The following TRAPPC6B variants were observed in gnomAD, a reference collection of about 807,000 sequenced individuals.
TRAPPC6B encodes the protein TRAPP complex subunit 6B.
Under a neutral mutation model 24.7 loss-of-function variants are expected in TRAPPC6B, and 27 were observed. The observed-to-expected ratio is 1.09, with a 90% confidence interval of 0.81 to 1.51. The LOEUF is 1.51. Ranked by LOEUF, TRAPPC6B falls within the 40% of genes most tolerant of loss-of-function variation. The pLI, the probability that TRAPPC6B is intolerant of heterozygous loss-of-function variation, is 0.00. For synonymous variants in TRAPPC6B, 80 were observed against 66.6 expected, an observed-to-expected ratio of 1.20 and a Z score of -0.98; for missense variants, 212 against 190.8, an observed-to-expected ratio of 1.11 and a Z score of -0.66.
chr14:39,158,419 G>C lies in TRAPPC6B; in HGVS notation c.150-17C>G, dbSNP rs771584173. The C allele has an allele frequency of 7.1e-7, 1 of 1,401,524 alleles. No homozygotes were observed. Among genetic ancestry groups the C allele is most frequent in the African/African-American group, 1.4e-5 (1 of 69,430 alleles). The allele number at this position is 1,401,524 out of a possible 1,614,324, so 86.8% of individuals were successfully genotyped here. On this transcript the variant is annotated splice_polypyrimidine_tract_variant and intron_variant, in intron 2 of 5. Coordinates refer to ENST00000330149, the MANE Select transcript of TRAPPC6B (RefSeq NM_001079537.2). Reference sequence around the variant, plus strand: ...TTTGTAAACCTAAAAAGATCAACTAGAAGTAATACAGTATTTCTCCTCCAA... The same window carrying C: ...TTTGTAAACCTAAAAAGATCAACTACAAGTAATACAGTATTTCTCCTCCAA...
At chr14:39,151,680 T>G in intron 5 of TRAPPC6B, 66 bp downstream of exon 5, 1 of 963,176 alleles carries the variant, frequency 1.0e-6, no homozygotes, top group East Asian at 3.2e-5. Context: ...TCAGTTAAAT[T>G]AAAAAAAAAA....
At chr14:39,161,091 A>T (rs1169062905) in intron 1 of TRAPPC6B, among the ~76,000 whole-genome samples, 3 of 152,230 alleles carry the variant, frequency 2.0e-5, no homozygotes, top group Non-Finnish European at 4.4e-5. Context: ...TATTTAAAAT[A>T]GCTATTATAA....
chr14:39,154,023 C>A (rs1035346961), intron 4 of TRAPPC6B, among the ~76,000 whole-genome samples, 188 bp downstream of exon 4: 1 of 152,130 alleles, frequency 6.6e-6, no homozygotes, highest in Non-Finnish European at 1.5e-5. Context: ...TTTAATTGGT[C>A]ACTCTATGAC....
intron 1 of TRAPPC6B, among the ~76,000 whole-genome samples, chr14:39,168,004 A>G (rs1249823645): frequency 6.6e-6 from 1 of 152,210 alleles, no homozygotes; most frequent in Non-Finnish European, 1.5e-5. Context: ...ACCTGAGGTC[A>G]GAAGTTCAAG....
intron 4 of TRAPPC6B, among the ~76,000 whole-genome samples, chr14:39,153,097 C>T (rs550924159): frequency 6.6e-6 from 1 of 151,990 alleles, no homozygotes; most frequent in African/African-American, 2.4e-5. Context: ...TTGAGACTAG[C>T]CTCGCCAACA....
At chr14:39,167,811 T>A (rs1421120473) in intron 1 of TRAPPC6B, among the ~76,000 whole-genome samples, 1 of 152,164 alleles carries the variant, frequency 6.6e-6, no homozygotes, top group African/African-American at 2.4e-5. Flanking sequence ...AGTCCATCTC[T>A]TAAAATTATC....
Position 39,148,450 on chromosome 14 carries a change from A to C in TRAPPC6B, c.*1900T>G, listed in dbSNP as rs990650480. 5 of 374,546 alleles carry C rather than the reference A, an allele frequency of 1.3e-5. No individual in the cohort carries two copies. The highest frequency in any genetic ancestry group is 6.6e-5 in the African/African-American group (3 of 45,478). The allele number at this position is 374,546 out of a possible 1,614,324, so 23.2% of individuals were successfully genotyped here. On this transcript the variant is annotated 3_prime_UTR_variant, in exon 6 of 6. Coordinates refer to ENST00000330149, the MANE Select transcript of TRAPPC6B (RefSeq NM_001079537.2). The stretch of plus-strand genomic sequence containing the variant: ...GCCATACAGAGTTTTAGGCCAAAAA[A>C]AAAGAAAAAAAAAATGGGGCTTTGT...
At position 39,170,152 on chromosome 14, in the gene TRAPPC6B, G is replaced by A. The variant is rs1594549165; in HGVS notation, c.-57C>T. 1.3e-6 allele frequency: 2 copies of A among 1,561,038 alleles called. No individual in the cohort carries two copies. The highest frequency in any genetic ancestry group is 2.2e-5 in the East Asian group (1 of 44,544). ...GGCTCCCGTTTGAGCTGGTCTGGGG[G>A]TTCCAGCTCGCGCCTCAGCGACTTC... On this transcript the variant is annotated 5_prime_UTR_variant, in exon 1 of 6. Transcript: ENST00000330149.
At chr14:39,153,769 A>G (rs1210709747) in intron 4 of TRAPPC6B, among the ~76,000 whole-genome samples, 1 of 148,174 alleles carries the variant, frequency 6.7e-6, no homozygotes. Context: ...TGATAGCACG[A>G]TCTCAGCTCA....
chr14:39,167,237 A>G (rs567901674), intron 1 of TRAPPC6B, among the ~76,000 whole-genome samples: 25 of 152,342 alleles, frequency 1.6e-4, no homozygotes, highest in African/African-American at 6.0e-4. Flanking sequence ...AGAAATGCCC[A>G]ATTAGTCCAT....
rs577832230 is a variant in TRAPPC6B at position 39,152,921 on chromosome 14, CTTTGGGAGGCTGTAATCCCAGCAT to C, written c.352-1106_352-1083del. Among the ~76,000 whole-genome samples, 6 of 152,062 alleles carry C rather than the reference CTTTGGGAGGCTGTAATCCCAGCAT, an allele frequency of 3.9e-5. No individual in the cohort carries two copies. The East Asian group carries it at 9.7e-4, about 24-fold the overall frequency. ...CCAGGCATGGCCTATAATCCCAGCA[CTTTGGGAGGCTGTAATCCCAGCAT>C]TTTGGGTGGCTTTTGTAATCACGTC... On this transcript the variant is annotated intron_variant, in intron 4 of 5. Coordinates refer to ENST00000330149, the MANE Select transcript of TRAPPC6B (RefSeq NM_001079537.2).
intron 1 of TRAPPC6B, among the ~76,000 whole-genome samples, chr14:39,163,398 C>CA (rs1213651568): frequency 2.0e-5 from 3 of 148,704 alleles, no homozygotes; most frequent in African/African-American, 7.7e-5. Flanking sequence ...AAAAGACCAG[C>CA]AACATCAGCA....
chr14:39,153,756 CA>C lies in TRAPPC6B; in HGVS notation c.351+454del, dbSNP rs1268856775. Among the ~76,000 whole-genome samples, 3 of 145,618 alleles carry C rather than the reference CA, an allele frequency of 2.1e-5. No homozygotes were observed. The East Asian group carries it at 6.0e-4, about 29-fold the overall frequency. ...TGCTCTTATACCCCAGGCTGGAGTG[CA>C]ATGATAGCACGATCTCAGCTCACTG... On this transcript the variant is annotated intron_variant, in intron 4 of 5. Transcript: ENST00000330149.
intron 3 of TRAPPC6B, chr14:39,157,468 C>T (rs1213384543): frequency 8.6e-6 from 3 of 348,966 alleles, no homozygotes; most frequent in African/African-American, 4.4e-5. Context: ...ACTTGTCCTC[C>T]GAGCAGGAGT....
chr14:39,158,254 T>C, intron 3 of TRAPPC6B, 31 bp downstream of exon 3: 3 of 1,219,940 alleles, frequency 2.5e-6, no homozygotes, highest in Non-Finnish European at 3.5e-6. Context: ...TTAAAGGACT[T>C]TAAAATATAG....
In TRAPPC6B at chr14:39,148,609, A is replaced by G. The variant is rs1334065508; in HGVS notation, c.*1741T>C. ...ATTTTGAAGTTCTCTATTGTGTTCT[A>G]TTTTGATCTACTTCTGTGTCATTAG... On this transcript the variant is annotated 3_prime_UTR_variant, in exon 6 of 6. Transcript: ENST00000330149. 1 of 398,246 alleles carries G rather than the reference A, an allele frequency of 2.5e-6. No homozygotes were observed. The highest frequency in any genetic ancestry group is 4.4e-6 in the Non-Finnish European group (1 of 225,958). The allele number at this position is 398,246 out of a possible 1,614,324, so 24.7% of individuals were successfully genotyped here. A position where few individuals can be genotyped will look rare whatever the true frequency, so the allele number is the denominator to read the frequency against.
At chr14:39,154,720 T>A (rs922180208) in intron 3 of TRAPPC6B, among the ~76,000 whole-genome samples, 2 of 152,002 alleles carry the variant, frequency 1.3e-5, no homozygotes. Flanking sequence ...GTGCCCAGCC[T>A]GGTCAAATTT....
intron 4 of TRAPPC6B, 136 bp downstream of exon 4, chr14:39,154,075 T>C (rs576049841): frequency 3.4e-6 from 2 of 581,138 alleles, no homozygotes; most frequent in Non-Finnish European, 6.1e-6. Context: ...TGTCTCTCAT[T>C]TCATAGAAAA....
At position 39,148,453 on chromosome 14, in the gene TRAPPC6B, A is replaced by G. The variant is rs2052879388; in HGVS notation, c.*1897T>C. 1.4e-5 allele frequency: 5 copies of G among 366,370 alleles called. No homozygotes were observed. The highest frequency in any genetic ancestry group is 6.9e-4 in the Middle Eastern group (1 of 1,450). 22.7% of individuals were successfully genotyped at this position (366,370 alleles called of 1,614,324 possible). A position where few individuals can be genotyped will look rare whatever the true frequency, so the allele number is the denominator to read the frequency against. ...ATACAGAGTTTTAGGCCAAAAAAAAAGAAAAAAAAAATGGGGCTTTGTCAG... is the reference window on the plus strand; with the variant it reads ...ATACAGAGTTTTAGGCCAAAAAAAAGGAAAAAAAAAATGGGGCTTTGTCAG... On this transcript the variant is annotated 3_prime_UTR_variant, in exon 6 of 6. Transcript: ENST00000330149.
Sources: gnomAD v4.1 joint callset for allele counts (sites outside exome capture counted in the v4.1 genomes callset) on GRCh38, gnomAD v4.1.1 for gene constraint, MANE v1.5 for transcripts, NCBI Gene and HGNC (gene_info 2026-07-23, HGNC 2026-07-21) for gene names.